The following RPP14 variants were observed in gnomAD, a reference collection of about 807,000 sequenced individuals.
RPP14 encodes the protein ribonuclease P protein subunit p14.
A neutral mutation model predicts 17.8 loss-of-function variants in RPP14; 19 were observed. That is an observed-to-expected ratio of 1.07 (90% CI 0.74 to 1.57). RPP14 has a LOEUF of 1.57. Among genes scored for constraint, RPP14 ranks in the 40% most tolerant of loss-of-function variants. The pLI, the probability that RPP14 is intolerant of heterozygous loss-of-function variation, is 0.00. For missense variants in RPP14, 125 were observed against 140.8 expected, an observed-to-expected ratio of 0.89 and a Z score of 0.57; for synonymous variants, 60 against 56.4, an observed-to-expected ratio of 1.06 and a Z score of -0.29.
intron 1 of RPP14, chr3:58,309,962 G>A (rs1271954192): frequency 4.9e-6 from 1 of 204,926 alleles, no homozygotes; most frequent in Non-Finnish European, 1.0e-5. Context: ...CACTTTGGGA[G>A]GCTGAGTTGG....
intron 1 of RPP14, among the ~76,000 whole-genome samples, chr3:58,308,540 A>G (rs931203775): frequency 2.6e-5 from 4 of 151,874 alleles, no homozygotes; most frequent in Non-Finnish European, 5.9e-5. Flanking sequence ...AACTGTTGAG[A>G]TTACAGGCAT....
intron 1 of RPP14, among the ~76,000 whole-genome samples, chr3:58,308,140 G>A (rs13075746): frequency 0.069 from 10,570 of 152,178 alleles, 478 homozygotes; most frequent in Middle Eastern, 0.088. Flanking sequence ...TCTAGTTAGG[G>A]GAGACTCTAG....
chr3:58,317,384 C>T, intron 5 of RPP14, 56 bp from the exon 6 acceptor site: 2 of 1,174,950 alleles, frequency 1.7e-6, no homozygotes, highest in Admixed American at 2.0e-5. Context: ...TTCCCCATTG[C>T]CCTGTGCTTC....
In RPP14 at chr3:58,318,768, G is replaced by A. The variant is rs1024249397; in HGVS notation, c.*1272G>A. 6.6e-6 allele frequency: 1 copy of A among 152,006 alleles called. No homozygotes were observed. Among genetic ancestry groups the A allele is most frequent in the African/African-American group, 2.4e-5 (1 of 41,366 alleles). The allele number at this position is 152,006 out of a possible 1,614,324, so 9.4% of individuals were successfully genotyped here. ...TAATCCCAGCATTTTGGGAGGCTGA[G>A]GCAGGCGAATCACTTGAGGTCAGGA... On this transcript the variant is annotated 3_prime_UTR_variant, in exon 6 of 6. Coordinates refer to ENST00000295959, the MANE Select transcript of RPP14 (RefSeq NM_007042.6).
chr3:58,312,504 G>A (rs1421538912), intron 3 of RPP14, among the ~76,000 whole-genome samples: 3 of 152,066 alleles, frequency 2.0e-5, no homozygotes, highest in African/African-American at 7.2e-5. Context: ...GATGAATTTT[G>A]TTGGGTTTAT....
chr3:58,315,456 TGTG>T (rs749955937), intron 3 of RPP14, among the ~76,000 whole-genome samples: 5 of 152,174 alleles, frequency 3.3e-5, no homozygotes, highest in Non-Finnish European at 7.3e-5. Flanking sequence ...TATCATTGAT[TGTG>T]GTGGTAGTTA....
intron 5 of RPP14, 150 bp from the exon 6 acceptor site, chr3:58,317,290 C>T: frequency 1.6e-6 from 1 of 618,722 alleles, no homozygotes; most frequent in South Asian, 2.1e-5. Flanking sequence ...GAGATGTGAC[C>T]ACTTGTTATC....
At chr3:58,308,892 A>G (rs1041430054) in intron 1 of RPP14, among the ~76,000 whole-genome samples, 5 of 152,246 alleles carry the variant, frequency 3.3e-5, no homozygotes, top group Non-Finnish European at 7.3e-5. Flanking sequence ...TGAAGGATGA[A>G]TAGGACCTAT....
intron 3 of RPP14, among the ~76,000 whole-genome samples, chr3:58,313,638 C>G (rs1414754603): frequency 6.6e-6 from 1 of 151,974 alleles, no homozygotes; most frequent in Non-Finnish European, 1.5e-5. Flanking sequence ...GCCTGGGTAT[C>G]TGGTGAAACC....
In RPP14 at chr3:58,319,648, G is replaced by A. The variant is rs1018220257; in HGVS notation, c.*2152G>A. ...TGCTTATAGTAAAAAAAAAAAAATT[G>A]TAAGAAATAAATATTAAGAAGATTA... On this transcript the variant is annotated 3_prime_UTR_variant, in exon 6 of 6. Transcript: ENST00000295959. 2.7e-5 allele frequency: 4 copies of A among 149,218 alleles called. No homozygotes were observed. The highest frequency in any genetic ancestry group is 5.9e-5 in the Non-Finnish European group (4 of 67,624). 9.2% of individuals were successfully genotyped at this position (149,218 alleles called of 1,614,324 possible).
Position 58,318,300 on chromosome 3 carries a change from C to T in RPP14, c.*804C>T, listed in dbSNP as rs896293168. 1.9e-6 allele frequency: 1 copy of T among 523,826 alleles called. No homozygotes were observed. Among genetic ancestry groups the T allele is most frequent in the Non-Finnish European group, 3.3e-6 (1 of 300,192 alleles). 32.4% of individuals were successfully genotyped at this position (523,826 alleles called of 1,614,324 possible). On this transcript the variant is annotated 3_prime_UTR_variant, in exon 6 of 6. Transcript: ENST00000295959. ...TTCCAGTTTGGCCTTATGCTTCATG[C>T]AGACTTGAGTGTATGCAGGATTTCA...
chr3:58,310,596 G>A lies in RPP14; in HGVS notation c.162+5G>A. The A allele has an allele frequency of 6.2e-7, 1 of 1,606,682 alleles. No individual in the cohort carries two copies. The highest frequency in any genetic ancestry group is 2.2e-5 in the East Asian group (1 of 44,822). On this transcript the variant is annotated splice_donor_5th_base_variant and intron_variant, in intron 3 of 5. Transcript: ENST00000295959. ...GTGAAGGACCTGTTTGGGGAGGTATGGAATCACTTGGTAGATTGAACATTC... is the reference window on the plus strand; with the variant it reads ...GTGAAGGACCTGTTTGGGGAGGTATAGAATCACTTGGTAGATTGAACATTC...
Position 58,316,596 on chromosome 3 carries a change from G to T in RPP14, c.239+5G>T. On this transcript the variant is annotated splice_donor_5th_base_variant and intron_variant, in intron 4 of 5. Transcript: ENST00000295959. ...CATCTTGAGAATATGTAGCAGGTAT[G>T]ACAGAGAGTGGGAAATTTCTAGTAT... is the stretch of plus-strand genomic sequence containing the variant. 1.2e-6 allele frequency: 2 copies of T among 1,612,064 alleles called. No individual in the cohort carries two copies. Among genetic ancestry groups the T allele is most frequent in the South Asian group, 2.2e-5 (2 of 91,010 alleles).
chr3:58,314,675 ATTTTTT>A (rs751757663), intron 3 of RPP14, among the ~76,000 whole-genome samples: 26 of 90,582 alleles, frequency 2.9e-4, no homozygotes, highest in African/African-American at 9.7e-4. Flanking sequence ...GTTTGGCAGT[ATTTTTT>A]TTTTTTTTTT....
At position 58,319,106 on chromosome 3, in the gene RPP14, G is replaced by A. The variant is rs1336484365; in HGVS notation, c.*1610G>A. On this transcript the variant is annotated 3_prime_UTR_variant, in exon 6 of 6. Coordinates refer to ENST00000295959, the MANE Select transcript of RPP14 (RefSeq NM_007042.6). The stretch of plus-strand genomic sequence containing the variant: ...AGCAGCTTGTCACTGTATTTTAACT[G>A]TGTAACAATTATTGAAGGCGAAAAT... 6.6e-6 allele frequency: 1 copy of A among 152,108 alleles called. No individual in the cohort carries two copies. The highest frequency in any genetic ancestry group is 2.4e-5 in the African/African-American group (1 of 41,416). The allele number at this position is 152,108 out of a possible 1,614,324, so 9.4% of individuals were successfully genotyped here. A position where few individuals can be genotyped will look rare whatever the true frequency, so the allele number is the denominator to read the frequency against.
intron 1 of RPP14, 35 bp from the exon 2 acceptor site, chr3:58,310,274 C>A: frequency 6.8e-7 from 1 of 1,478,584 alleles, no homozygotes; most frequent in Non-Finnish European, 9.4e-7. Flanking sequence ...ATAGCATGTG[C>A]ATTGGTCATT....
intron 4 of RPP14, 65 bp downstream of exon 4, chr3:58,316,656 C>T: frequency 7.2e-7 from 1 of 1,390,604 alleles, no homozygotes; most frequent in South Asian, 1.2e-5. Context: ...CAAAAATGCT[C>T]TCTTCTGAGA....
At chr3:58,316,150 G>A (rs182744832) in intron 3 of RPP14, among the ~76,000 whole-genome samples, 50 of 152,362 alleles carry the variant, frequency 3.3e-4, no homozygotes, top group East Asian at 9.6e-4. Context: ...TAATGTCTTG[G>A]TTCTTGTAGT....
chr3:58,316,420 G>A (rs2097488329), intron 3 of RPP14, 95 bp from the exon 4 acceptor site: 1 of 1,113,194 alleles, frequency 9.0e-7, no homozygotes, highest in African/African-American at 1.5e-5. Flanking sequence ...CTTATGTGGA[G>A]GAGAAAAGCT....
Sources: gnomAD v4.1 joint callset for allele counts (sites outside exome capture counted in the v4.1 genomes callset) on GRCh38, gnomAD v4.1.1 for gene constraint, MANE v1.5 for transcripts, NCBI Gene and HGNC (gene_info 2026-07-23, HGNC 2026-07-21) for gene names.